Variants in CDH3 observed in about 807,000 individuals in gnomAD.
CDH3 encodes cadherin-3.
CDH3 carries 54 observed loss-of-function variants against 82.0 expected under a neutral mutation model. The observed-to-expected ratio is 0.66, with a 90% confidence interval of 0.53 to 0.83. The LOEUF is 0.83. Ranked by LOEUF, CDH3 falls within the 40% of genes least tolerant of loss-of-function variation. The pLI is 0.00. For synonymous variants in CDH3, 446 were observed against 437.9 expected, an observed-to-expected ratio of 1.02 and a Z score of -0.23; for missense variants, 1,054 against 1,084.6, an observed-to-expected ratio of 0.97 and a Z score of 0.40.
chr16:68,701,041 G>A (rs1246350765), downstream of CDH3, among the ~76,000 whole-genome samples: 1 of 152,130 alleles, frequency 6.6e-6, no homozygotes. Context: ...CCTGCTGCCC[G>A]TTATCTTCAA....
intron 2 of CDH3, among the ~76,000 whole-genome samples, chr16:68,722,819 G>A (rs1026485991): frequency 1.1e-4 from 16 of 151,890 alleles, no homozygotes; most frequent in African/African-American, 2.9e-4. Flanking sequence ...GACGGGTTTC[G>A]CTCTTGTTGC....
exon 2 of CDH3, chr16:68,722,547 C>T (rs12923775): frequency 0.49 from 74,364 of 152,058 alleles, 19,341 homozygotes; most frequent in Non-Finnish European, 0.59. Flanking sequence ...AGACACAGCC[C>T]TTCCACAAAT....
chr16:68,662,746 C>T (rs1462788596), intron 2 of CDH3, among the ~76,000 whole-genome samples: 1 of 151,744 alleles, frequency 6.6e-6, no homozygotes, highest in East Asian at 1.9e-4. Context: ...CGGAGTTTCA[C>T]CGCATTAGCC....
chr16:68,718,709 A>C (rs920931617), intron 1 of CDH3, among the ~76,000 whole-genome samples: 9 of 152,102 alleles, frequency 5.9e-5, no homozygotes, highest in African/African-American at 2.2e-4. Flanking sequence ...AAAGGAAAAC[A>C]GTTTGGCAAT....
Position 68,685,192 on chromosome 16 carries a change from T to C in CDH3, c.1425-13T>C. The C allele has an allele frequency of 6.2e-7, 1 of 1,613,774 alleles. No homozygotes were observed. Among genetic ancestry groups the C allele is most frequent in the Non-Finnish European group, 8.5e-7 (1 of 1,179,890 alleles). On this transcript the variant is annotated splice_polypyrimidine_tract_variant and intron_variant, in intron 10 of 15. Transcript: ENST00000264012. Reference sequence around the variant, plus strand: ...ATATTCTGGATGTACTCGTCTCAACTTTTCCTCTCCAGCTACCGCATCCTG... The same window carrying C: ...ATATTCTGGATGTACTCGTCTCAACCTTTCCTCTCCAGCTACCGCATCCTG...
At chr16:68,648,328 A>T (rs1960137606) in intron 2 of CDH3, among the ~76,000 whole-genome samples, 1 of 152,160 alleles carries the variant, frequency 6.6e-6, no homozygotes, top group Non-Finnish European at 1.5e-5. Context: ...AATGAATTTG[A>T]CAACCTTGTG....
At chr16:68,702,619 C>G (rs1450265989), downstream of CDH3, among the ~76,000 whole-genome samples, 1 of 152,102 alleles carries the variant, frequency 6.6e-6, no homozygotes, top group African/African-American at 2.4e-5. Flanking sequence ...AATCCCAGCT[C>G]TTTGGGAAGC....
At chr16:68,688,364 C>T (rs1375505617) in intron 12 of CDH3, among the ~76,000 whole-genome samples, 4 of 151,888 alleles carry the variant, frequency 2.6e-5, no homozygotes, top group African/African-American at 7.2e-5. Context: ...CTGAGGCGGG[C>T]GGGTCACCAG....
intron 2 of CDH3, among the ~76,000 whole-genome samples, chr16:68,669,353 C>T (rs540806494): frequency 6.6e-6 from 1 of 152,148 alleles, no homozygotes; most frequent in Non-Finnish European, 1.5e-5. Flanking sequence ...CTGATGGGGC[C>T]AGCTCCTCAG....
intron 2 of CDH3, among the ~76,000 whole-genome samples, chr16:68,725,745 T>C (rs1962213033): frequency 6.6e-6 from 1 of 152,108 alleles, no homozygotes; most frequent in Non-Finnish European, 1.5e-5. Flanking sequence ...CAAAGGCTTA[T>C]TACTAGCAGG....
intron 2 of CDH3, among the ~76,000 whole-genome samples, chr16:68,658,719 C>G (rs144628734): frequency 6.6e-6 from 1 of 152,300 alleles, no homozygotes; most frequent in Non-Finnish European, 1.5e-5. Context: ...TCCCACCGTA[C>G]TTCGAAACCT....
intron 2 of CDH3, among the ~76,000 whole-genome samples, chr16:68,657,304 G>A (rs1023141865): frequency 1.3e-5 from 2 of 151,998 alleles, no homozygotes; most frequent in Non-Finnish European, 2.9e-5. Flanking sequence ...ACCTGAGCTC[G>A]GGAGTTCGAG....
intron 2 of CDH3, chr16:68,646,047 C>A (rs1960049796): frequency 6.7e-6 from 3 of 445,534 alleles, no homozygotes; most frequent in Non-Finnish European, 1.2e-5. Flanking sequence ...GGAAGTTCTC[C>A]CCCGCTGGCC....
At chr16:68,657,369 C>T (rs1960433430) in intron 2 of CDH3, among the ~76,000 whole-genome samples, 1 of 152,116 alleles carries the variant, frequency 6.6e-6, no homozygotes, top group Admixed American at 6.5e-5. Flanking sequence ...TAAAAATTAG[C>T]CGGGCATGGT....
At chr16:68,648,068 C>G (rs1960128058) in intron 2 of CDH3, among the ~76,000 whole-genome samples, 2 of 152,184 alleles carry the variant, frequency 1.3e-5, no homozygotes, top group African/African-American at 4.8e-5. Flanking sequence ...CTAACATTCC[C>G]TTGAAGCAGG....
At chr16:68,652,018 A>C in intron 2 of CDH3, 1 of 200,946 alleles carries the variant, frequency 5.0e-6, no homozygotes, top group Non-Finnish European at 1.0e-5. Context: ...CTAATTTAGT[A>C]ATTTTCTGTG....
chr16:68,680,055 C>A (rs1597807993), intron 7 of CDH3, 81 bp downstream of exon 7: 1 of 1,382,410 alleles, frequency 7.2e-7, no homozygotes, highest in Non-Finnish European at 1.0e-6. Context: ...AGCTCCTATC[C>A]CTGCCCACAA....
intron 1 of CDH3, among the ~76,000 whole-genome samples, chr16:68,719,185 G>A (rs1325591813): frequency 6.6e-6 from 1 of 151,384 alleles, no homozygotes. Context: ...GGAGGTTGCA[G>A]TGAGTGGAGA....
chr16:68,693,031 G>A (rs1233853535), intron 13 of CDH3, among the ~76,000 whole-genome samples: 3 of 151,340 alleles, frequency 2.0e-5, no homozygotes, highest in Non-Finnish European at 4.4e-5. Context: ...TTGAACCCAG[G>A]AGATGGAGGT....
Sources: allele counts gnomAD v4.1 joint callset (sites outside exome capture counted in the v4.1 genomes callset), GRCh38; gene constraint gnomAD v4.1.1; transcripts MANE v1.5; gene names NCBI Gene and HGNC (gene_info 2026-07-23, HGNC 2026-07-21).